RIN3: variants seen among roughly 807,000 people sequenced by gnomAD.
RIN3 encodes the protein Ras and Rab interactor 3, also known as RAB5 interacting protein 3.
In RIN3, 54 loss-of-function variants were observed where a neutral mutation model predicts 76.3. That is an observed-to-expected ratio of 0.71 (90% CI 0.57 to 0.89). The LOEUF (loss-of-function observed/expected upper bound fraction) is 0.89, where lower values mean the gene tolerates loss of function less well. Ranked by LOEUF, RIN3 falls within the 40% of genes least tolerant of loss-of-function variation. The pLI is 0.00. For synonymous variants in RIN3, 576 were observed against 564.0 expected, an observed-to-expected ratio of 1.02 and a Z score of -0.30; for missense variants, 1,256 against 1,322.1, an observed-to-expected ratio of 0.95 and a Z score of 0.78.
At chr14:92,606,355 A>C (rs1885526384) in intron 3 of RIN3, among the ~76,000 whole-genome samples, 1 of 152,072 alleles carries the variant, frequency 6.6e-6, no homozygotes, top group Non-Finnish European at 1.5e-5. Flanking sequence ...CCTGGGCAAC[A>C]TATTGAGACC....
chr14:92,561,375 C>T (rs76048336), intron 2 of RIN3, among the ~76,000 whole-genome samples: 2 of 149,644 alleles, frequency 1.3e-5, no homozygotes, highest in South Asian at 4.2e-4. Flanking sequence ...CCACCTCCCT[C>T]CCTGCAGCCT....
chr14:92,672,660 A>ATATGTG (rs371612916), intron 7 of RIN3, among the ~76,000 whole-genome samples: 1,654 of 148,496 alleles, frequency 0.011, 17 homozygotes, highest in South Asian at 0.022. Context: ...ATGTGTGTGC[A>ATATGTG]TGTGTGTGTG....
intron 1 of RIN3, among the ~76,000 whole-genome samples, chr14:92,521,230 CATCCATTTATCT>C (rs1896588974): frequency 6.6e-6 from 1 of 151,898 alleles, no homozygotes; most frequent in Admixed American, 6.6e-5. Context: ...CGCTTCTATC[CATCCATTTATCT>C]ATCCATCCAT....
intron 8 of RIN3, 132 bp downstream of exon 8, chr14:92,676,738 A>G: frequency 1.1e-6 from 1 of 948,986 alleles, no homozygotes; most frequent in Non-Finnish European, 1.6e-6. Flanking sequence ...CATGGATGCA[A>G]ATGTGAATCC....
At chr14:92,545,108 T>G (rs1370859073) in intron 1 of RIN3, among the ~76,000 whole-genome samples, 1 of 23,746 alleles carries the variant, frequency 4.2e-5, no homozygotes, top group African/African-American at 1.4e-4. Context: ...TTTCTGGTGT[T>G]TTTTTTTTTT....
At chr14:92,646,994 C>T (rs1595480718) in intron 5 of RIN3, among the ~76,000 whole-genome samples, 1 of 152,330 alleles carries the variant, frequency 6.6e-6, no homozygotes, top group East Asian at 1.9e-4. Context: ...ACTGGGTTTC[C>T]AGTCCGCTGG....
At chr14:92,518,377 G>A (rs1225062505) in intron 1 of RIN3, among the ~76,000 whole-genome samples, 1 of 152,164 alleles carries the variant, frequency 6.6e-6, no homozygotes, top group African/African-American at 2.4e-5. Context: ...TGTCCCTGGA[G>A]CCCCTGAATT....
intron 9 of RIN3, chr14:92,686,138 G>A (rs1182807513): frequency 6.6e-6 from 1 of 152,324 alleles, no homozygotes; most frequent in African/African-American, 2.4e-5. Flanking sequence ...GACACCCAGA[G>A]CAGACCAGTC....
intron 7 of RIN3, among the ~76,000 whole-genome samples, chr14:92,672,181 G>C (rs550284293): frequency 6.6e-6 from 1 of 152,018 alleles, no homozygotes; most frequent in African/African-American, 2.4e-5. Flanking sequence ...TGAGGCGAGC[G>C]GATCACTTGA....
chr14:92,524,696 G>C (rs1896682596), intron 1 of RIN3, among the ~76,000 whole-genome samples: 1 of 152,218 alleles, frequency 6.6e-6, no homozygotes, highest in Admixed American at 6.5e-5. Flanking sequence ...TCAGGCGTCA[G>C]AGCTTCGTGC....
chr14:92,584,005 C>T (rs1166585600), intron 3 of RIN3, among the ~76,000 whole-genome samples: 1 of 152,222 alleles, frequency 6.6e-6, no homozygotes, highest in Admixed American at 6.5e-5. Context: ...TGCTTACCCC[C>T]TGCTGTGCGC....
At chr14:92,619,840 A>T (rs1244978905) in intron 4 of RIN3, among the ~76,000 whole-genome samples, 1 of 152,192 alleles carries the variant, frequency 6.6e-6, no homozygotes, top group Non-Finnish European at 1.5e-5. Flanking sequence ...CCAACTCCGC[A>T]TGTCCCCAGG....
At position 92,513,930 on chromosome 14, in the gene RIN3, G is replaced by T. The variant is rs1485696822; in HGVS notation, c.-3G>T. The T allele has an allele frequency of 6.4e-6, 8 of 1,248,580 alleles. No homozygotes were observed. The highest frequency in any genetic ancestry group is 8.0e-6 in the Non-Finnish European group (8 of 996,670). 77.3% of individuals were successfully genotyped at this position (1,248,580 alleles called of 1,614,324 possible). ...CGTTCCCCGTCCCGGAGCTGCCGGC[G>T]GCATGATCCGACACGCCGGGGCGCC... On this transcript the variant is annotated 5_prime_UTR_variant, in exon 1 of 10. Coordinates refer to ENST00000216487, the MANE Select transcript of RIN3 (RefSeq NM_024832.5).
intron 5 of RIN3, among the ~76,000 whole-genome samples, chr14:92,650,190 G>A (rs975076370): frequency 6.6e-6 from 1 of 152,214 alleles, no homozygotes; most frequent in African/African-American, 2.4e-5. Context: ...CAAAATATGG[G>A]AAGTGTCGCA....
chr14:92,678,468 T>C (rs1473851471), intron 8 of RIN3, among the ~76,000 whole-genome samples: 37 of 49,380 alleles, frequency 7.5e-4, no homozygotes, highest in African/African-American at 1.0e-3. Context: ...CACCTACCCA[T>C]CCACCCACCC....
At chr14:92,583,189 C>G (rs1006432265) in intron 3 of RIN3, among the ~76,000 whole-genome samples, 2 of 152,304 alleles carry the variant, frequency 1.3e-5, no homozygotes, top group East Asian at 3.9e-4. Flanking sequence ...AGGCCCAGGC[C>G]TGGAACTGGG....
chr14:92,588,657 A>C (rs916362552), intron 3 of RIN3, among the ~76,000 whole-genome samples: 2 of 152,106 alleles, frequency 1.3e-5, no homozygotes, highest in African/African-American at 2.4e-5. Context: ...GTTAGGTTTC[A>C]TCATAGGAAT....
Position 92,525,835 on chromosome 14 carries a change from C to T in RIN3, c.44+11859C>T, listed in dbSNP as rs150117425. On this transcript the variant is annotated intron_variant, in intron 1 of 9. Transcript: ENST00000216487. ...CCAGGGACCCTCAGTCTTGTGGGGA[C>T]GCAGGAGTGATAGGCAGTGCTGTGG... 7.2e-4 allele frequency among the ~76,000 whole-genome samples: 109 copies of T among 152,266 alleles called. 1 individual carries two copies. The highest frequency in any genetic ancestry group is 2.3e-3 in the African/African-American group (97 of 41,536).
At chr14:92,584,307 G>A (rs533074938) in intron 3 of RIN3, among the ~76,000 whole-genome samples, 85 of 152,316 alleles carry the variant, frequency 5.6e-4, no homozygotes, top group African/African-American at 1.7e-3. Flanking sequence ...GCATTCAGGC[G>A]GGAAGAGAAA....
Sources: gnomAD v4.1 joint callset for allele counts (sites outside exome capture counted in the v4.1 genomes callset) on GRCh38, gnomAD v4.1.1 for gene constraint, MANE v1.5 for transcripts, NCBI Gene and HGNC (gene_info 2026-07-23, HGNC 2026-07-21) for gene names.